The following DNAH9 variants were observed in gnomAD, a reference collection of about 807,000 sequenced individuals.
DNAH9 encodes the protein dynein axonemal heavy chain 9.
A neutral mutation model predicts 471.6 loss-of-function variants in DNAH9; 345 were observed. The observed-to-expected ratio is 0.73, with a 90% CI of 0.67 to 0.80. The LOEUF (loss-of-function observed/expected upper bound fraction) is 0.80. Among genes scored for constraint, DNAH9 ranks in the 30% least tolerant of loss-of-function variants. DNAH9 has a pLI of 0.00. For synonymous variants in DNAH9, 2,093 were observed against 2,123.6 expected (o/e 0.99, Z 0.40); for missense variants, 5,407 against 5,609.2 (o/e 0.96, Z 1.15).
intron 48 of DNAH9, among the ~76,000 whole-genome samples, chr17:11,830,608 G>T (rs1161766786): frequency 6.6e-6 from 1 of 152,168 alleles, no homozygotes; most frequent in Non-Finnish European, 1.5e-5. Context: ...GAAGGGACGG[G>T]TGGGAAAATA....
intron 68 of DNAH9, among the ~76,000 whole-genome samples, chr17:11,969,045 A>C (rs1012206018): frequency 3.9e-5 from 6 of 152,268 alleles, no homozygotes; most frequent in Admixed American, 2.6e-4. Context: ...ATCAAGCTCC[A>C]AAGGGATTCA....
intron 2 of DNAH9, 98 bp from the exon 3 acceptor site, chr17:11,610,297 TA>T (rs1189085629): frequency 1.1e-6 from 1 of 946,400 alleles, no homozygotes; most frequent in Non-Finnish European, 1.5e-6. Flanking sequence ...CCTATTTTTT[TA>T]AATTTGGGAT....
At chr17:11,663,930 T>C (rs1297776248) in intron 14 of DNAH9, among the ~76,000 whole-genome samples, 2 of 152,272 alleles carry the variant, frequency 1.3e-5, no homozygotes, top group South Asian at 2.1e-4. Context: ...ATCTTAGAAA[T>C]TGTAGAGTTG....
At chr17:11,798,512 A>G (rs1305009670) in intron 43 of DNAH9, among the ~76,000 whole-genome samples, 2 of 151,548 alleles carry the variant, frequency 1.3e-5, no homozygotes, top group African/African-American at 4.9e-5. Context: ...TACATATTTC[A>G]AAAATTAAAT....
chr17:11,914,597 A>C (rs1181257806), intron 61 of DNAH9, among the ~76,000 whole-genome samples: 2 of 152,180 alleles, frequency 1.3e-5, no homozygotes, highest in African/African-American at 4.8e-5. Context: ...CTTATATAGC[A>C]GTTTGATAGT....
At chr17:11,676,813 A>G (rs2074057569) in intron 17 of DNAH9, among the ~76,000 whole-genome samples, 1 of 152,028 alleles carries the variant, frequency 6.6e-6, no homozygotes, top group African/African-American at 2.4e-5. Context: ...AAAGTTATAA[A>G]TTCTCTTCTA....
chr17:11,610,310 C>T, intron 2 of DNAH9, 86 bp from the exon 3 acceptor site: 3 of 1,051,330 alleles, frequency 2.9e-6, no homozygotes, highest in Admixed American at 2.9e-5. Flanking sequence ...ATTTGGGATT[C>T]TGTCTTGGGG....
chr17:11,647,173 A>C lies in DNAH9; in HGVS notation c.2072A>C (p.Glu691Ala). Residue 691 changes from glutamate to alanine, a missense_variant, in exon 12 of 69, where the codon GAG becomes GCG. By Grantham distance (107) the Glu-to-Ala change is moderately radical (BLOSUM62 -1). This residue lies in a region of DNAH9 where 4,636 missense variants were observed against 4,900.3 expected (regional missense o/e 0.95). Transcript: ENST00000262442. ...CTAAAACGTGACCCAGAGACGAAGG[A>C]GATCACTATCAACTTTAACCCACAG... ...PLLKRDPETK[E>A]ITINFNPQLI... The C allele has an allele frequency of 6.2e-7, 1 of 1,614,030 alleles. No individual in the cohort carries two copies. The highest frequency in any genetic ancestry group is 1.7e-5 in the Admixed American group (1 of 60,008).
At chr17:11,874,914 G>A in intron 52 of DNAH9, 35 bp from the exon 53 acceptor site, 1 of 1,502,690 alleles carries the variant, frequency 6.7e-7, no homozygotes, top group Non-Finnish European at 9.3e-7. Flanking sequence ...GTCTGCTTCT[G>A]TTCTGAGCGT....
At chr17:11,756,744 A>G in intron 34 of DNAH9, 68 bp downstream of exon 34, 1 of 992,160 alleles carries the variant, frequency 1.0e-6, no homozygotes, top group Non-Finnish European at 1.6e-6. Flanking sequence ...CTTCACACGT[A>G]GTTTTGCTGG....
intron 22 of DNAH9, among the ~76,000 whole-genome samples, chr17:11,696,201 C>T (rs1165104344): frequency 6.6e-6 from 1 of 152,156 alleles, no homozygotes; most frequent in East Asian, 1.9e-4. Flanking sequence ...TTTCTAATTT[C>T]CCCTTCTTTC....
Position 11,763,617 on chromosome 17 carries a change from A to C in DNAH9, c.7170+3A>C. The C allele has an allele frequency of 6.2e-7, 1 of 1,613,772 alleles. No individual in the cohort carries two copies. The highest frequency in any genetic ancestry group is 8.5e-7 in the Non-Finnish European group (1 of 1,179,822). ...GCGGAGCAATGGTCCAAGATCAGGTAAGGAGATATGTTGAGCTCAACAACC... is the reference window on the plus strand; with the variant it reads ...GCGGAGCAATGGTCCAAGATCAGGTCAGGAGATATGTTGAGCTCAACAACC... On this transcript the variant is annotated splice_donor_region_variant and intron_variant, in intron 36 of 68. Coordinates refer to ENST00000262442, the MANE Select transcript of DNAH9 (RefSeq NM_001372.4).
chr17:11,834,875 G>A lies in DNAH9; in HGVS notation c.9484G>A (p.Ala3162Thr). The change falls in exon 49 of 69, where the codon GCA becomes ACA. Residue 3162 changes from alanine (A) to threonine (T), a missense_variant. This residue lies in a region of DNAH9 where 4,636 missense variants were observed against 4,900.3 expected (regional missense o/e 0.95). Transcript: ENST00000262442. Reference sequence around the variant, plus strand: ...TGAGCCAGCACTCACAGCAGCGCAGGCAGCTCTCAACACCCTGAACAAGGT... The same window carrying A: ...TGAGCCAGCACTCACAGCAGCGCAGACAGCTCTCAACACCCTGAACAAGGT... ...KAEPALTAAQ[A>T]ALNTLNKTNL... The A allele has an allele frequency of 6.2e-7, 1 of 1,613,338 alleles. No homozygotes were observed. Among genetic ancestry groups the A allele is most frequent in the Non-Finnish European group, 8.5e-7 (1 of 1,179,824 alleles).
chr17:11,889,585 C>A (rs111810474), intron 57 of DNAH9, among the ~76,000 whole-genome samples: 1 of 152,204 alleles, frequency 6.6e-6, no homozygotes, highest in Non-Finnish European at 1.5e-5. Context: ...GAGTTTGATA[C>A]CCTTGGTCTA....
chr17:11,715,226 G>C (rs2074938607), intron 26 of DNAH9, among the ~76,000 whole-genome samples: 1 of 152,088 alleles, frequency 6.6e-6, no homozygotes. Context: ...AGAATTTATT[G>C]CCTCAAAAAT....
intron 61 of DNAH9, among the ~76,000 whole-genome samples, chr17:11,909,843 A>G (rs1469137923): frequency 6.6e-6 from 1 of 152,224 alleles, no homozygotes; most frequent in Non-Finnish European, 1.5e-5. Context: ...GACCATCACC[A>G]TATGCTAATT....
At chr17:11,855,261 AGAGT>A (rs1257187991) in intron 50 of DNAH9, among the ~76,000 whole-genome samples, 1 of 152,204 alleles carries the variant, frequency 6.6e-6, no homozygotes, top group Non-Finnish European at 1.5e-5. Flanking sequence ...CCAAAGAGAT[AGAGT>A]GAGTGCTCCA....
chr17:11,885,920 A>G (rs573223616), intron 56 of DNAH9, among the ~76,000 whole-genome samples: 131 of 152,280 alleles, frequency 8.6e-4, no homozygotes, highest in Non-Finnish European at 1.4e-3. Flanking sequence ...ACTTTCCTCT[A>G]TTTTGGAGCA....
chr17:11,683,973 TGA>T (rs1248952546), intron 19 of DNAH9, among the ~76,000 whole-genome samples: 1 of 152,248 alleles, frequency 6.6e-6, no homozygotes, highest in East Asian at 1.9e-4. Context: ...TTGGTGTGTG[TGA>T]GTGTTCAAAA....
Sources: allele counts gnomAD v4.1 joint callset (sites outside exome capture counted in the v4.1 genomes callset), GRCh38; gene constraint gnomAD v4.1.1; regional missense constraint gnomAD v4.1.1; transcripts MANE v1.5; gene names NCBI Gene and HGNC (gene_info 2026-07-23, HGNC 2026-07-21).